Variants in MSH3 observed in about 807,000 individuals in gnomAD.
The protein encoded by MSH3 is mutS homolog 3.
A neutral mutation model predicts 123.3 loss-of-function variants in MSH3; 106 were observed. That is an observed-to-expected ratio of 0.86 (90% CI 0.73 to 1.01). The LOEUF is 1.01. Among genes scored for constraint, MSH3 ranks in the 50% least tolerant of loss-of-function variants. The pLI is 0.00. For missense variants in MSH3, 1,459 were observed against 1,347.6 expected (o/e 1.08, Z -1.29); for synonymous variants, 515 against 481.4 (o/e 1.07, Z -0.91).
At chr5:80,873,506 T>C (rs1746257335) in intron 23 of MSH3, among the ~76,000 whole-genome samples, 1 of 152,202 alleles carries the variant, frequency 6.6e-6, no homozygotes, top group Non-Finnish European at 1.5e-5. Context: ...TAAATTGGTT[T>C]TTCGGTCATT....
At chr5:80,744,102 C>A (rs1561463399) in intron 11 of MSH3, among the ~76,000 whole-genome samples, 1 of 152,076 alleles carries the variant, frequency 6.6e-6, no homozygotes, top group African/African-American at 2.4e-5. Context: ...TCATGTCTAT[C>A]TCCAGCACCT....
At chr5:80,802,718 C>T (rs190055440) in intron 19 of MSH3, among the ~76,000 whole-genome samples, 130 of 152,236 alleles carry the variant, frequency 8.5e-4, no homozygotes, top group African/African-American at 3.0e-3. Context: ...ACCTTCTTCA[C>T]CCCTACTACC....
chr5:80,717,618 A>G (rs940403778), intron 8 of MSH3, among the ~76,000 whole-genome samples: 3 of 152,190 alleles, frequency 2.0e-5, no homozygotes, highest in African/African-American at 7.2e-5. Flanking sequence ...CTCAGTTTAC[A>G]TTCCCACCAA....
At chr5:80,873,324 G>C (rs1328900892) in intron 23 of MSH3, 37 bp downstream of exon 23, 1 of 1,607,294 alleles carries the variant, frequency 6.2e-7, no homozygotes, top group Non-Finnish European at 8.5e-7. Context: ...CATTTGTAAT[G>C]AAACCTTCTA....
At chr5:80,824,249 C>T (rs1042614649) in intron 20 of MSH3, among the ~76,000 whole-genome samples, 2 of 152,250 alleles carry the variant, frequency 1.3e-5, no homozygotes, top group East Asian at 1.9e-4. Flanking sequence ...CAGAGGGGCT[C>T]CTCACTTCCC....
intron 21 of MSH3, among the ~76,000 whole-genome samples, chr5:80,856,019 G>A (rs994134792): frequency 6.6e-6 from 1 of 151,798 alleles, no homozygotes; most frequent in Non-Finnish European, 1.5e-5. Flanking sequence ...CGAGTAGCTG[G>A]GACTACAGGC....
Position 80,799,500 on chromosome 5 carries a change from C to CTTTTTTTTTTTTT in MSH3, c.2655+6676_2655+6688dup, listed in dbSNP as rs746348952. Among the ~76,000 whole-genome samples, 3 of 32,318 alleles carry CTTTTTTTTTTTTT rather than the reference C, an allele frequency of 9.3e-5. 1 individual carries two copies. Among genetic ancestry groups the CTTTTTTTTTTTTT allele is most frequent in the Admixed American group, 5.5e-4 (1 of 1,802 alleles). The allele number at this position is 32,318 out of a possible 152,430, so 21.2% of individuals were successfully genotyped here. ...TTTATACCTGTCAAGGAAGATAGCA[C>CTTTTTTTTTTTTT]TTTTTTTTTTTTTTTTTTTTTTTTT... is the stretch of plus-strand genomic sequence containing the variant. On this transcript the variant is annotated intron_variant, in intron 19 of 23. Coordinates refer to ENST00000265081, the MANE Select transcript of MSH3 (RefSeq NM_002439.5).
In MSH3 at chr5:80,812,850, G is replaced by A. The variant is rs182093674; in HGVS notation, c.2656-734G>A. Among the ~76,000 whole-genome samples, 190 of 152,192 alleles carry A rather than the reference G, an allele frequency of 1.2e-3. 1 individual carries two copies. Among genetic ancestry groups the A allele is most frequent in the African/African-American group, 4.4e-3 (181 of 41,532 alleles). On this transcript the variant is annotated intron_variant, in intron 19 of 23. Transcript: ENST00000265081. ...TGAGATTACAGGTGTGAGCCACCGC[G>A]CCTGGCCAGCTTGGCTACTCTTGAC...
intron 8 of MSH3, among the ~76,000 whole-genome samples, chr5:80,684,987 C>T (rs566245820): frequency 3.3e-5 from 5 of 151,740 alleles, no homozygotes; most frequent in Admixed American, 1.3e-4. Context: ...TATGTTGAAC[C>T]GTCTTTGCAT....
intron 20 of MSH3, among the ~76,000 whole-genome samples, chr5:80,824,013 G>C (rs1464945483): frequency 6.6e-6 from 1 of 152,180 alleles, no homozygotes; most frequent in African/African-American, 2.4e-5. Context: ...AGGGTTGGGG[G>C]CAAGGTCATA....
Position 80,875,997 on chromosome 5 carries a change from C to T in MSH3, c.*135C>T. ...GACCATGGTATATTCCTATTGGAAA[C>T]AGAGAGGTTTTTCTGAAGACAGTCT... On this transcript the variant is annotated 3_prime_UTR_variant, in exon 24 of 24. Coordinates refer to ENST00000265081, the MANE Select transcript of MSH3 (RefSeq NM_002439.5). The T allele has an allele frequency of 1.5e-6, 1 of 660,766 alleles. No individual in the cohort carries two copies. Among genetic ancestry groups the T allele is most frequent in the South Asian group, 1.8e-5 (1 of 55,750 alleles). The allele number at this position is 660,766 out of a possible 1,614,324, so 40.9% of individuals were successfully genotyped here. A position where few individuals can be genotyped will look rare whatever the true frequency, so the allele number is the denominator to read the frequency against.
intron 16 of MSH3, among the ~76,000 whole-genome samples, chr5:80,777,127 C>T (rs966307613): frequency 7.9e-5 from 12 of 151,584 alleles, no homozygotes; most frequent in East Asian, 1.9e-4. Context: ...GATGGCGTTT[C>T]GCCATTTGGC....
intron 12 of MSH3, among the ~76,000 whole-genome samples, chr5:80,753,358 T>C (rs569411992): frequency 6.6e-6 from 1 of 152,272 alleles, no homozygotes; most frequent in African/African-American, 2.4e-5. Flanking sequence ...CTTGCCTGTG[T>C]TTTCTTTTGC....
intron 21 of MSH3, among the ~76,000 whole-genome samples, chr5:80,862,634 C>T (rs577787304): frequency 1.8e-4 from 27 of 152,158 alleles, no homozygotes; most frequent in African/African-American, 6.5e-4. Flanking sequence ...GTGGTGCACA[C>T]CTGTAGTCCT....
intron 8 of MSH3, among the ~76,000 whole-genome samples, chr5:80,710,059 GCTAT>G (rs565318442): frequency 1.3e-3 from 205 of 152,276 alleles, no homozygotes; most frequent in Middle Eastern, 3.4e-3. Context: ...CATGACTACT[GCTAT>G]CTATCTCCTA....
chr5:80,815,143 C>G (rs1298029953), intron 20 of MSH3, among the ~76,000 whole-genome samples: 1 of 152,116 alleles, frequency 6.6e-6, no homozygotes, highest in Non-Finnish European at 1.5e-5. Context: ...TTTAAAGCTT[C>G]ATTTTTCATC....
chr5:80,655,098 G>A, intron 1 of MSH3, 134 bp downstream of exon 1: 1 of 564,444 alleles, frequency 1.8e-6, no homozygotes, highest in Non-Finnish European at 3.0e-6. Flanking sequence ...AGAAGGGGAA[G>A]GTGGGAAGAG....
At chr5:80,780,559 A>G (rs1454702829) in intron 17 of MSH3, among the ~76,000 whole-genome samples, 1 of 152,146 alleles carries the variant, frequency 6.6e-6, no homozygotes, top group East Asian at 1.9e-4. Flanking sequence ...TACATCTGTT[A>G]GTCTCTCACT....
Position 80,654,829 on chromosome 5 carries a change from G to C in MSH3, c.102G>C (p.Leu34=), listed in dbSNP as rs559669988. The change falls in exon 1 of 24, where the codon CTG becomes CTC. Residue 34 remains leucine (L), a synonymous_variant. Coordinates refer to ENST00000265081, the MANE Select transcript of MSH3 (RefSeq NM_002439.5). ...LSRFFQSTGS[L]KSTSSSTGAA... ...GATTCTTCCAGTCTACGGGAAGCCT[G>C]AAATCCACCTCCTCCTCCACAGGTG... 5 of 1,604,116 alleles carry C rather than the reference G, an allele frequency of 3.1e-6. No individual in the cohort carries two copies. In the Admixed American group the frequency reaches 8.4e-5, roughly 27 times the overall value.
Sources: gnomAD v4.1 joint callset for allele counts (sites outside exome capture counted in the v4.1 genomes callset) on GRCh38, gnomAD v4.1.1 for gene constraint, MANE v1.5 for transcripts, NCBI Gene and HGNC (gene_info 2026-07-23, HGNC 2026-07-21) for gene names.